Variants in C8A observed in about 807,000 individuals in gnomAD.
The protein encoded by C8A is complement component C8 alpha chain.
C8A carries 67 observed loss-of-function variants against 65.3 expected under a neutral mutation model. The observed-to-expected ratio is 1.03, with a 90% CI of 0.84 to 1.26. The LOEUF is 1.26. Ranked by LOEUF, C8A falls within the 50% of genes most tolerant of loss-of-function variation. C8A has a pLI of 0.00. For synonymous variants in C8A, 290 were observed against 259.4 expected, an observed-to-expected ratio of 1.12 and a Z score of -1.13; for missense variants, 781 against 723.9, an observed-to-expected ratio of 1.08 and a Z score of -0.90.
At chr1:56,858,290 G>C (rs1643996981) in intron 1 of C8A, among the ~76,000 whole-genome samples, 1 of 152,026 alleles carries the variant, frequency 6.6e-6, no homozygotes, top group African/African-American at 2.4e-5. Context: ...AGAGAGAAGG[G>C]GAGTATTCAA....
chr1:56,884,521 A>C (rs1644274284), intron 6 of C8A, among the ~76,000 whole-genome samples: 1 of 152,206 alleles, frequency 6.6e-6, no homozygotes, highest in Admixed American at 6.5e-5. Flanking sequence ...CAACTTACTC[A>C]ACACACATAA....
At chr1:56,895,167 A>T (rs553760786) in intron 7 of C8A, among the ~76,000 whole-genome samples, 1 of 152,100 alleles carries the variant, frequency 6.6e-6, no homozygotes, top group Admixed American at 6.6e-5. Flanking sequence ...TCTTCCAAGT[A>T]CTCATCCCTT....
chr1:56,898,717 T>C (rs190586558), intron 7 of C8A, among the ~76,000 whole-genome samples: 32 of 152,256 alleles, frequency 2.1e-4, no homozygotes, highest in Non-Finnish European at 3.8e-4. Flanking sequence ...CCTGTTAATG[T>C]TGCATCCCAG....
intron 4 of C8A, among the ~76,000 whole-genome samples, chr1:56,879,568 A>G (rs945742194): frequency 2.0e-5 from 3 of 152,236 alleles, no homozygotes; most frequent in Non-Finnish European, 4.4e-5. Flanking sequence ...CTTCAGGGAA[A>G]GTAAAGGGAA....
At chr1:56,877,263 G>A (rs2101222331) in intron 4 of C8A, among the ~76,000 whole-genome samples, 3 of 152,024 alleles carry the variant, frequency 2.0e-5, no homozygotes, top group African/African-American at 7.2e-5. Context: ...ATGGTATTTT[G>A]TTGTGGCAGC....
At chr1:56,914,266 T>A (rs1434345094) in intron 10 of C8A, among the ~76,000 whole-genome samples, 2 of 152,038 alleles carry the variant, frequency 1.3e-5, no homozygotes, top group Non-Finnish European at 2.9e-5. Flanking sequence ...GAGGGAGGAC[T>A]TTCTTCTGCA....
chr1:56,908,744 G>C (rs1454985918), intron 9 of C8A, among the ~76,000 whole-genome samples: 2 of 152,126 alleles, frequency 1.3e-5, no homozygotes, highest in Non-Finnish European at 2.9e-5. Context: ...TAGGAAACAG[G>C]CTCTGAAAAA....
At chr1:56,878,022 C>T (rs1167943827) in intron 4 of C8A, among the ~76,000 whole-genome samples, 1 of 152,184 alleles carries the variant, frequency 6.6e-6, no homozygotes, top group East Asian at 1.9e-4. Context: ...TACTTTCTCA[C>T]AATTCTGGAG....
rs1272473130 is a variant in C8A at position 56,863,928 on chromosome 1, C to G, written c.78-3681C>G. The stretch of plus-strand genomic sequence containing the variant: ...CTTTCTTCCTTCCTTTTTTCCCTCC[C>G]TCTTTCCCTTCCTTTTTTCCTTTTG... On this transcript the variant is annotated intron_variant, in intron 1 of 10. Coordinates refer to ENST00000361249, the MANE Select transcript of C8A (RefSeq NM_000562.3). Among the ~76,000 whole-genome samples the G allele has an allele frequency of 2.0e-5, 3 of 150,592 alleles. No homozygotes were observed. The East Asian group carries it at 5.9e-4, about 29-fold the overall frequency.
At chr1:56,896,023 A>G (rs943247981) in intron 7 of C8A, among the ~76,000 whole-genome samples, 1 of 152,160 alleles carries the variant, frequency 6.6e-6, no homozygotes, top group African/African-American at 2.4e-5. Context: ...TTACTTTGAG[A>G]GTGGTCAAGA....
At chr1:56,868,426 T>C (rs764704194) in intron 2 of C8A, among the ~76,000 whole-genome samples, 2 of 151,266 alleles carry the variant, frequency 1.3e-5, no homozygotes, top group Non-Finnish European at 2.9e-5. Context: ...CTGGGCAACA[T>C]AGCAAGACTT....
intron 5 of C8A, among the ~76,000 whole-genome samples, chr1:56,882,839 T>C (rs763125780): frequency 5.1e-4 from 77 of 152,108 alleles, no homozygotes; most frequent in African/African-American, 1.8e-3. Context: ...ATGCTATTTG[T>C]CCACCCTAAA....
At chr1:56,909,993 G>T (rs1440610501) in intron 9 of C8A, among the ~76,000 whole-genome samples, 1 of 152,170 alleles carries the variant, frequency 6.6e-6, no homozygotes. Flanking sequence ...CCACGGGCAG[G>T]CTTTATAGCA....
intron 1 of C8A, among the ~76,000 whole-genome samples, chr1:56,857,303 TACAC>T (rs71048450): frequency 7.4e-5 from 11 of 148,892 alleles, no homozygotes; most frequent in South Asian, 4.3e-4. Context: ...TGTTATTAAA[TACAC>T]ACACACACAC....
chr1:56,880,595 C>G (rs1188510666), intron 4 of C8A, among the ~76,000 whole-genome samples: 2 of 152,090 alleles, frequency 1.3e-5, no homozygotes, highest in Non-Finnish European at 2.9e-5. Flanking sequence ...CATGCTGCCT[C>G]AAAGATAATG....
intron 1 of C8A, among the ~76,000 whole-genome samples, chr1:56,856,989 G>A (rs1319143166): frequency 6.6e-6 from 1 of 151,988 alleles, no homozygotes; most frequent in Non-Finnish European, 1.5e-5. Context: ...TTGCTTAGAA[G>A]TTTTTAATTT....
In C8A at chr1:56,912,350, G is replaced by A. The variant is rs1644514603; in HGVS notation, c.1381-53G>A. On this transcript the variant is annotated intron_variant, in intron 9 of 10. Coordinates refer to ENST00000361249, the MANE Select transcript of C8A (RefSeq NM_000562.3). ...GCTTGGTGGCCGGTTCTTGGGCTCT[G>A]GGAAGGTAGATAGAGCCCAGGGAGG... is the stretch of plus-strand genomic sequence containing the variant. The A allele has an allele frequency of 3.9e-6, 6 of 1,553,916 alleles. No individual in the cohort carries two copies. In the Admixed American group the frequency reaches 1.0e-4, roughly 26 times the overall value.
intron 5 of C8A, among the ~76,000 whole-genome samples, chr1:56,882,613 C>T (rs1057153274): frequency 2.6e-5 from 4 of 152,044 alleles, no homozygotes; most frequent in African/African-American, 9.7e-5. Context: ...TAAGGCCAAG[C>T]TTATAGGGCC....
At chr1:56,869,463 T>C (rs1644121819) in intron 2 of C8A, among the ~76,000 whole-genome samples, 1 of 152,248 alleles carries the variant, frequency 6.6e-6, no homozygotes, top group Non-Finnish European at 1.5e-5. Context: ...CAATTGTGAA[T>C]TGTGCTGCTA....
Sources: gnomAD v4.1 joint callset for allele counts (sites outside exome capture counted in the v4.1 genomes callset) on GRCh38, gnomAD v4.1.1 for gene constraint, MANE v1.5 for transcripts, NCBI Gene and HGNC (gene_info 2026-07-23, HGNC 2026-07-21) for gene names.